FRMD3: variants seen among roughly 807,000 people sequenced by gnomAD.
FRMD3 encodes FERM domain containing 3.
FRMD3 carries 33 observed loss-of-function variants against 70.2 expected under a neutral mutation model. The ratio of observed to expected loss-of-function variants is 0.47; its 90% CI spans 0.36 to 0.63. The LOEUF is 0.63. FRMD3 is among the 20% of genes least tolerant of loss of function. The pLI, the probability that FRMD3 is intolerant of heterozygous loss-of-function variation, is 0.00. For missense variants in FRMD3, 632 were observed against 711.4 expected, an observed-to-expected ratio of 0.89 and a Z score of 1.27; for synonymous variants, 279 against 255.9, an observed-to-expected ratio of 1.09 and a Z score of -0.86.
intron 3 of FRMD3, among the ~76,000 whole-genome samples, chr9:83,363,808 C>A (rs1824699365): frequency 6.6e-6 from 1 of 152,246 alleles, no homozygotes; most frequent in South Asian, 2.1e-4. Context: ...CCCACCTTGG[C>A]CTCCCAAAGT....
chr9:83,536,930 T>TAAAAAAAAAAAAAAAAA lies in FRMD3; in HGVS notation c.147+1138_147+1154dup, dbSNP rs142272516. ...ATGGGTGGTGTGCCCTGTATTACACTAAAAAAAAAAAAAAAAAAAAAAAGC... is the reference window on the plus strand; with the variant it reads ...ATGGGTGGTGTGCCCTGTATTACACTAAAAAAAAAAAAAAAAAAAAAAAAAAAAAAAAAAAAAAAAGC... On this transcript the variant is annotated intron_variant, in intron 1 of 13. Transcript: ENST00000304195. Among the ~76,000 whole-genome samples, 63 of 60,890 alleles carry TAAAAAAAAAAAAAAAAA rather than the reference T, an allele frequency of 1.0e-3. 7 individuals carry two copies. Among genetic ancestry groups the TAAAAAAAAAAAAAAAAA allele is most frequent in the African/African-American group, 2.3e-3 (37 of 16,412 alleles). 39.9% of individuals were successfully genotyped at this position (60,890 alleles called of 152,430 possible). A position where few individuals can be genotyped will look rare whatever the true frequency, so the allele number is the denominator to read the frequency against.
chr9:83,508,775 G>A (rs1315093747), intron 1 of FRMD3, among the ~76,000 whole-genome samples: 1 of 152,114 alleles, frequency 6.6e-6, no homozygotes, highest in African/African-American at 2.4e-5. Flanking sequence ...ACCTATTTCT[G>A]AAAATCAAGT....
intron 3 of FRMD3, among the ~76,000 whole-genome samples, chr9:83,354,991 G>A (rs1824289428): frequency 6.6e-6 from 1 of 152,130 alleles, no homozygotes; most frequent in African/African-American, 2.4e-5. Flanking sequence ...AATGGTTTGG[G>A]GTCAGAAGTC....
At chr9:83,355,004 G>A (rs928171457) in intron 3 of FRMD3, among the ~76,000 whole-genome samples, 1 of 152,166 alleles carries the variant, frequency 6.6e-6, no homozygotes, top group Non-Finnish European at 1.5e-5. Flanking sequence ...CAGAAGTCCA[G>A]CATTTGAGCA....
Position 83,349,351 on chromosome 9 carries a change from G to A in FRMD3, c.374+328C>T, listed in dbSNP as rs534247945. The stretch of plus-strand genomic sequence containing the variant: ...AGATCCAAAAGATAGACTAGGGACT[G>A]TACTGGGTATGAATTTGCCCATGTC... On this transcript the variant is annotated intron_variant, in intron 4 of 13. Coordinates refer to ENST00000304195, the MANE Select transcript of FRMD3 (RefSeq NM_174938.6). Among the ~76,000 whole-genome samples, 120 of 152,266 alleles carry A rather than the reference G, an allele frequency of 7.9e-4. 2 individuals are homozygous for A. Among genetic ancestry groups the A allele is most frequent in the African/African-American group, 2.7e-3 (111 of 41,542 alleles).
Position 83,377,057 on chromosome 9 carries a change from A to G in FRMD3, c.253-4102T>C, listed in dbSNP as rs548219514. ...TTTTAGGACATAACTACTTGCTTGG[A>G]TCTAACTCTTATTAGATGAAACTGT... On this transcript the variant is annotated intron_variant, in intron 2 of 13. Transcript: ENST00000304195. Among the ~76,000 whole-genome samples the G allele has an allele frequency of 2.0e-3, 303 of 152,306 alleles. 3 individuals carry two copies. Among genetic ancestry groups the G allele is most frequent in the African/African-American group, 6.9e-3 (286 of 41,562 alleles).
intron 1 of FRMD3, among the ~76,000 whole-genome samples, chr9:83,531,095 T>G (rs985812112): frequency 6.6e-6 from 1 of 152,120 alleles, no homozygotes; most frequent in Admixed American, 6.5e-5. Flanking sequence ...GGGTATCCTA[T>G]GAAAATGTGA....
intron 1 of FRMD3, among the ~76,000 whole-genome samples, chr9:83,503,122 C>T (rs1302725119): frequency 1.3e-5 from 2 of 152,108 alleles, no homozygotes; most frequent in African/African-American, 4.8e-5. Context: ...TGCCCTAACC[C>T]CCAGAACCTA....
At chr9:83,478,670 C>T (rs5014092) in intron 1 of FRMD3, among the ~76,000 whole-genome samples, 65,503 of 151,950 alleles carry the variant, frequency 0.43, 14,252 homozygotes, top group Middle Eastern at 0.46. Context: ...AAGAATTAAG[C>T]AGTGGAACTA....
chr9:83,314,012 A>G (rs1366404463), intron 6 of FRMD3, among the ~76,000 whole-genome samples: 3 of 152,232 alleles, frequency 2.0e-5, no homozygotes, highest in Non-Finnish European at 4.4e-5. Context: ...AATCAAGGTT[A>G]TCAAGTTACC....
At chr9:83,359,502 T>C (rs1246743936) in intron 3 of FRMD3, among the ~76,000 whole-genome samples, 3 of 152,108 alleles carry the variant, frequency 2.0e-5, no homozygotes, top group Non-Finnish European at 4.4e-5. Context: ...ACTTTCTCTG[T>C]AAAGGGCTAG....
intron 2 of FRMD3, among the ~76,000 whole-genome samples, chr9:83,378,621 A>G (rs187069980): frequency 0.073 from 9,517 of 130,440 alleles, 416 homozygotes; most frequent in East Asian, 0.13. Flanking sequence ...TATATATTAT[A>G]CATAATTTAT....
In FRMD3 at chr9:83,389,674, A is replaced by C. The variant is rs764636004; in HGVS notation, c.182T>G (p.Ile61Ser). 6.2e-7 allele frequency: 1 copy of C among 1,613,992 alleles called. No homozygotes were observed. The highest frequency in any genetic ancestry group is 8.5e-7 in the Non-Finnish European group (1 of 1,179,882). ...CTCCAGCAGGCTGTAGTAGTTGCAG[A>C]TGTGGTCAATGAGAAACTGCCCTTT... ...ETKGQFLIDH[I>S]CNYYSLLEKD... The change falls in exon 2 of 14, where the codon ATC becomes AGC. Residue 61 changes from isoleucine (I) to serine (S), a missense_variant. Physicochemically the swap from Ile to Ser is moderately radical, Grantham distance 142 (BLOSUM62 -2). Transcript: ENST00000304195.
At chr9:83,292,711 G>A (rs754180248) in intron 12 of FRMD3, among the ~76,000 whole-genome samples, 6 of 151,204 alleles carry the variant, frequency 4.0e-5, no homozygotes, top group Non-Finnish European at 7.4e-5. Context: ...GCAGTGGTAC[G>A]ATCTCGGCTC....
At chr9:83,474,696 C>G (rs1828352044) in intron 1 of FRMD3, among the ~76,000 whole-genome samples, 1 of 151,814 alleles carries the variant, frequency 6.6e-6, no homozygotes, top group South Asian at 2.1e-4. Flanking sequence ...CTAGGTGTTA[C>G]CAAGACAACC....
chr9:83,456,713 C>T (rs565669721), intron 1 of FRMD3, among the ~76,000 whole-genome samples: 50 of 152,286 alleles, frequency 3.3e-4, no homozygotes, highest in Non-Finnish European at 6.0e-4. Flanking sequence ...GGCACAGTGG[C>T]TCACACCTGT....
intron 1 of FRMD3, among the ~76,000 whole-genome samples, chr9:83,419,303 G>T (rs1287466233): frequency 1.3e-5 from 2 of 152,074 alleles, no homozygotes; most frequent in Non-Finnish European, 2.9e-5. Context: ...TTAAAGGTTT[G>T]CCCAAATAAG....
chr9:83,276,156 C>G (rs1833786482), intron 13 of FRMD3: 1 of 152,144 alleles, frequency 6.6e-6, no homozygotes, highest in South Asian at 2.1e-4. Flanking sequence ...TATCAGATGC[C>G]AATGTAGTCT....
chr9:83,289,992 T>C (rs1421360169), intron 13 of FRMD3, among the ~76,000 whole-genome samples: 1 of 151,922 alleles, frequency 6.6e-6, no homozygotes, highest in Non-Finnish European at 1.5e-5. Flanking sequence ...GACACTTCAC[T>C]TTTTTTTAGC....
Sources: gnomAD v4.1 joint callset for allele counts (sites outside exome capture counted in the v4.1 genomes callset) on GRCh38, gnomAD v4.1.1 for gene constraint, MANE v1.5 for transcripts, NCBI Gene and HGNC (gene_info 2026-07-23, HGNC 2026-07-21) for gene names.